Variants in STAG2 observed in about 807,000 individuals in gnomAD.
The protein encoded by STAG2 is STAG2 cohesin complex component.
In STAG2, 14 loss-of-function variants were observed where a neutral mutation model predicts 108.1. The observed-to-expected ratio is 0.13, with a 90% CI of 0.09 to 0.20. The LOEUF is 0.20. STAG2 is among the 10% of genes least tolerant of loss of function. The pLI, the probability that STAG2 is intolerant of heterozygous loss-of-function variation, is 1.00. For missense variants in STAG2, 440 were observed against 940.9 expected (o/e 0.47, Z 6.96); for synonymous variants, 307 against 302.7 (o/e 1.01, Z -0.15).
chrX:124,070,332 C>G (rs1390996010), intron 24 of STAG2, among the ~76,000 whole-genome samples: 1 of 111,672 alleles, frequency 9.0e-6, no homozygotes, highest in East Asian at 2.8e-4. Flanking sequence ...GTGGTTAGTT[C>G]CAAAGTGGCA....
At chrX:123,996,031 A>G (rs1026250417) in intron 1 of STAG2, among the ~76,000 whole-genome samples, 1 of 112,409 alleles carries the variant, frequency 8.9e-6, no homozygotes, top group African/African-American at 3.2e-5. Flanking sequence ...AAAAATCTCT[A>G]AAGTCTTGAC....
At chrX:123,984,011 T>A (rs771463279) in intron 1 of STAG2, among the ~76,000 whole-genome samples, 3 of 88,752 alleles carry the variant, frequency 3.4e-5, no homozygotes, top group Admixed American at 1.2e-4. Context: ...GGGGTTTCGC[T>A]CTTGTTGCCC....
At chrX:124,069,153 C>T (rs2058607162) in intron 24 of STAG2, among the ~76,000 whole-genome samples, 2 of 111,927 alleles carry the variant, frequency 1.8e-5, no homozygotes, top group Admixed American at 9.6e-5. Context: ...TGCCTTCATG[C>T]TTCCATTACT....
intron 34 of STAG2, 189 bp downstream of exon 34, chrX:124,095,638 A>G: frequency 2.4e-6 from 1 of 415,567 alleles, no homozygotes; most frequent in Non-Finnish European, 4.2e-6. Flanking sequence ...GACAGATTAG[A>G]AAAGTACTTT....
chrX:124,021,775 G>T (rs2056935133), intron 2 of STAG2, among the ~76,000 whole-genome samples: 1 of 110,964 alleles, frequency 9.0e-6, no homozygotes, highest in African/African-American at 3.3e-5. Context: ...TGTTTCCAGG[G>T]CAGGAAAATC....
Position 124,101,942 on chromosome X carries a change from GTATC to G in STAG2, c.*1353_*1356del, listed in dbSNP as rs781481273. ...CAAAATATTAACTTATATTACATGT[GTATC>G]TATCTATTGTCAGTCGTCTCTCAGT... On this transcript the variant is annotated 3_prime_UTR_variant, in exon 35 of 35. Coordinates refer to ENST00000371145, the MANE Select transcript of STAG2 (RefSeq NM_001042750.2). The G allele has an allele frequency of 3.8e-4, 61 of 160,054 alleles. No individual in the cohort carries two copies. Among genetic ancestry groups the G allele is most frequent in the South Asian group, 6.4e-4 (2 of 3,115 alleles). 13.2% of individuals were successfully genotyped at this position (160,054 alleles called of 1,213,427 possible). A position where few individuals can be genotyped will look rare whatever the true frequency, so the allele number is the denominator to read the frequency against.
rs188013257 is a variant in STAG2, at chrX:124,091,043, A to G, written c.3578+79A>G. 236 of 733,895 alleles carry G rather than the reference A, an allele frequency of 3.2e-4. No homozygotes were observed. In the African/African-American group the frequency reaches 4.1e-3, roughly 13 times the overall value. 60.5% of individuals were successfully genotyped at this position (733,895 alleles called of 1,213,427 possible). A position where few individuals can be genotyped will look rare whatever the true frequency, so the allele number is the denominator to read the frequency against. On this transcript the variant is annotated intron_variant, in intron 32 of 34. Transcript: ENST00000371145. The stretch of plus-strand genomic sequence containing the variant: ...ACATTTTAATGTGTGCCTTATCTAA[A>G]AATTTCAGCAAACTCTCTAGAGTAA...
chrX:124,092,603 C>G (rs1211071781), intron 32 of STAG2, among the ~76,000 whole-genome samples: 2 of 112,443 alleles, frequency 1.8e-5, no homozygotes, highest in African/African-American at 6.5e-5. Context: ...ATGACTATTA[C>G]CAAAGGATTC....
intron 34 of STAG2, among the ~76,000 whole-genome samples, chrX:124,095,917 A>G (rs980073656): frequency 9.1e-6 from 1 of 109,895 alleles, no homozygotes; most frequent in Admixed American, 9.8e-5. Flanking sequence ...GATGAGAGTC[A>G]GTTACCACTC....
At chrX:124,007,915 G>C (rs891267804) in intron 1 of STAG2, among the ~76,000 whole-genome samples, 1 of 111,635 alleles carries the variant, frequency 9.0e-6, no homozygotes, top group Non-Finnish European at 1.9e-5. Context: ...GAGATAGTAG[G>C]TTCACTAGTA....
rs776911382 is a variant in STAG2, at chrX:123,975,823, A to G, written c.-163+13967A>G. On this transcript the variant is annotated intron_variant, in intron 1 of 34. Transcript: ENST00000371145. ...GTGCATAAAGTGCTACTGTTCATTG[A>G]GGAATATTTAGTAGTTATATTCATA... Among the ~76,000 whole-genome samples, 7 of 112,473 alleles carry G rather than the reference A, an allele frequency of 6.2e-5. No homozygotes were observed. In the East Asian group the frequency reaches 8.3e-4, roughly 13 times the overall value.
chrX:124,043,773 G>A (rs1315027039), intron 7 of STAG2, among the ~76,000 whole-genome samples: 1 of 111,363 alleles, frequency 9.0e-6, no homozygotes, highest in Non-Finnish European at 1.9e-5. Flanking sequence ...AGTTTAGACT[G>A]AGTTGTCCCC....
intron 16 of STAG2, 133 bp downstream of exon 16, chrX:124,061,474 C>G: frequency 2.1e-6 from 1 of 485,155 alleles, no homozygotes. Context: ...GTTTTGTTTT[C>G]ATATAAATAT....
chrX:123,990,028 G>A (rs2055376777), intron 1 of STAG2, among the ~76,000 whole-genome samples: 1 of 111,835 alleles, frequency 8.9e-6, no homozygotes, highest in Non-Finnish European at 1.9e-5. Context: ...CAGGTTCTTG[G>A]CATTTTGAAC....
intron 1 of STAG2, among the ~76,000 whole-genome samples, chrX:123,986,857 T>A (rs1032369398): frequency 9.0e-6 from 1 of 110,967 alleles, no homozygotes; most frequent in Admixed American, 9.6e-5. Flanking sequence ...TTTTTTTTTT[T>A]AGAATATCTT....
At chrX:124,013,324 AACACAC>A (rs71886288) in intron 1 of STAG2, among the ~76,000 whole-genome samples, 34 of 103,653 alleles carry the variant, frequency 3.3e-4, no homozygotes, top group South Asian at 8.7e-4. Flanking sequence ...CACACACACA[AACACAC>A]ACACACACAC....
rs2059321456 is a variant in STAG2 at position 124,094,153 on chromosome X, C to T, written c.3705+9C>T. On this transcript the variant is annotated intron_variant, in intron 33 of 34. Transcript: ENST00000371145. ...CCATGGATATAGATTTGGTAAGAAA[C>T]TTAATGATTTCTGTAAGATTTTCAG... is the stretch of plus-strand genomic sequence containing the variant. 7.5e-6 allele frequency: 9 copies of T among 1,193,453 alleles called. No homozygotes were observed. The highest frequency in any genetic ancestry group is 1.0e-5 in the Non-Finnish European group (9 of 883,237).
chrX:124,059,471 G>C (rs2058317384), intron 15 of STAG2, among the ~76,000 whole-genome samples: 1 of 111,844 alleles, frequency 8.9e-6, no homozygotes, highest in African/African-American at 3.2e-5. Flanking sequence ...TTTCTAACAT[G>C]AATGGAAATT....
rs770459731 is a variant in STAG2 at position 124,037,792 on chromosome X, A to G, written c.385+169A>G. ...AGAGCAAAGGACAAAGTAAGAGAGAAAGTCTATTGACAAAGTTTTATTCAT... is the reference window on the plus strand; with the variant it reads ...AGAGCAAAGGACAAAGTAAGAGAGAGAGTCTATTGACAAAGTTTTATTCAT... On this transcript the variant is annotated intron_variant, in intron 6 of 34. Coordinates refer to ENST00000371145, the MANE Select transcript of STAG2 (RefSeq NM_001042750.2). Among the ~76,000 whole-genome samples, 4 of 112,875 alleles carry G rather than the reference A, an allele frequency of 3.5e-5. No individual in the cohort carries two copies. The South Asian group carries it at 1.4e-3, about 40-fold the overall frequency.
Sources: gnomAD v4.1 joint callset for allele counts (sites outside exome capture counted in the v4.1 genomes callset) on GRCh38, gnomAD v4.1.1 for gene constraint, MANE v1.5 for transcripts, NCBI Gene and HGNC (gene_info 2026-07-23, HGNC 2026-07-21) for gene names.